Variants in PARD3 observed in about 807,000 individuals in gnomAD.
The protein encoded by PARD3 is par-3 family cell polarity regulator.
In PARD3, 75 loss-of-function variants were observed where a neutral mutation model predicts 155.4. The ratio of observed to expected loss-of-function variants is 0.48; its 90% CI spans 0.40 to 0.58. PARD3 has a LOEUF of 0.58. Among genes scored for constraint, PARD3 ranks in the 20% least tolerant of loss-of-function variants. PARD3 has a pLI of 0.00. For synonymous variants in PARD3, 576 were observed against 610.5 expected, an observed-to-expected ratio of 0.94 and a Z score of 0.83; for missense variants, 1,642 against 1,721.7, an observed-to-expected ratio of 0.95 and a Z score of 0.82.
chr10:34,415,307 G>A (rs1341457432), intron 5 of PARD3, among the ~76,000 whole-genome samples: 1 of 152,110 alleles, frequency 6.6e-6, no homozygotes, highest in East Asian at 1.9e-4. Flanking sequence ...ATGCACAGTC[G>A]GCTCAGGGGA....
At chr10:34,426,445 G>C (rs1327840010) in intron 5 of PARD3, among the ~76,000 whole-genome samples, 3 of 152,118 alleles carry the variant, frequency 2.0e-5, no homozygotes, top group Non-Finnish European at 4.4e-5. Flanking sequence ...TTGGAGAATG[G>C]TATTTTTTTG....
At chr10:34,588,876 T>C (rs1042278293) in intron 2 of PARD3, among the ~76,000 whole-genome samples, 7 of 152,186 alleles carry the variant, frequency 4.6e-5, no homozygotes, top group South Asian at 2.1e-4. Flanking sequence ...TCAAGATCTG[T>C]AGGACATTAA....
At chr10:34,620,393 C>T (rs557091431) in intron 2 of PARD3, among the ~76,000 whole-genome samples, 2 of 152,334 alleles carry the variant, frequency 1.3e-5, no homozygotes, top group African/African-American at 4.8e-5. Context: ...CTCATTCCCC[C>T]ATCTGAAACA....
intron 1 of PARD3, among the ~76,000 whole-genome samples, chr10:34,716,478 T>TA (rs1564539725): frequency 6.6e-6 from 1 of 151,920 alleles, no homozygotes; most frequent in African/African-American, 2.4e-5. Flanking sequence ...ACTATAAACT[T>TA]ATCAGATGGG....
intron 7 of PARD3, among the ~76,000 whole-genome samples, chr10:34,390,713 C>G (rs1200224975): frequency 6.6e-6 from 1 of 152,070 alleles, no homozygotes; most frequent in Non-Finnish European, 1.5e-5. Flanking sequence ...ACAAAATTCC[C>G]AACTCCAAAT....
At chr10:34,662,871 G>GAAAAAAAAAAAAAAAAAA (rs568672135) in intron 2 of PARD3, among the ~76,000 whole-genome samples, 1 of 123,626 alleles carries the variant, frequency 8.1e-6, no homozygotes, top group African/African-American at 3.0e-5. Context: ...AACTGTCTCA[G>GAAAAAAAAAAAAAAAAAA]AAAAAAAAAA....
chr10:34,587,730 C>T (rs1351660434), intron 2 of PARD3, among the ~76,000 whole-genome samples: 2 of 152,200 alleles, frequency 1.3e-5, no homozygotes, highest in Non-Finnish European at 2.9e-5. Context: ...CTCCTCCATG[C>T]TCTGAGTTTC....
At chr10:34,752,326 C>T (rs1836151427) in intron 1 of PARD3, among the ~76,000 whole-genome samples, 1 of 151,628 alleles carries the variant, frequency 6.6e-6, no homozygotes, top group Non-Finnish European at 1.5e-5. Flanking sequence ...GTGATAAAGG[C>T]TATCTCTGTC....
At chr10:34,571,349 T>C (rs778109034) in intron 2 of PARD3, among the ~76,000 whole-genome samples, 82 of 152,260 alleles carry the variant, frequency 5.4e-4, no homozygotes, top group Non-Finnish European at 7.1e-4. Context: ...AGTATCTTAA[T>C]TGATAAAATT....
intron 22 of PARD3, among the ~76,000 whole-genome samples, chr10:34,224,479 G>C (rs942003988): frequency 1.3e-5 from 2 of 152,208 alleles, no homozygotes; most frequent in African/African-American, 4.8e-5. Flanking sequence ...TAAATCCTCA[G>C]TAAATATCTG....
intron 1 of PARD3, among the ~76,000 whole-genome samples, chr10:34,727,866 C>A (rs942449221): frequency 2.1e-5 from 3 of 143,220 alleles, no homozygotes; most frequent in Non-Finnish European, 4.6e-5. Context: ...AGTATGCAAC[C>A]CCCTCCCTCC....
intron 2 of PARD3, among the ~76,000 whole-genome samples, chr10:34,577,585 A>G (rs891729118): frequency 6.6e-6 from 1 of 152,228 alleles, no homozygotes; most frequent in African/African-American, 2.4e-5. Context: ...CTCTGTTCAC[A>G]CACCTTTCCT....
chr10:34,126,469 T>C (rs978524554), intron 23 of PARD3, among the ~76,000 whole-genome samples: 1 of 152,216 alleles, frequency 6.6e-6, no homozygotes, highest in African/African-American at 2.4e-5. Context: ...TCAACTAATA[T>C]GGGCTCAGTT....
intron 3 of PARD3, among the ~76,000 whole-genome samples, chr10:34,473,107 G>A (rs766675910): frequency 3.9e-5 from 6 of 152,116 alleles, no homozygotes; most frequent in Non-Finnish European, 5.9e-5. Flanking sequence ...TCATGGATAG[G>A]GTGGTGTTTG....
intron 1 of PARD3, among the ~76,000 whole-genome samples, chr10:34,709,071 C>T (rs1272556631): frequency 6.6e-6 from 1 of 152,036 alleles, no homozygotes; most frequent in Non-Finnish European, 1.5e-5. Flanking sequence ...GGTGAGAACC[C>T]CTAACCCAAA....
intron 20 of PARD3, among the ~76,000 whole-genome samples, chr10:34,300,899 C>A (rs1957115769): frequency 6.6e-6 from 1 of 152,142 alleles, no homozygotes; most frequent in Non-Finnish European, 1.5e-5. Flanking sequence ...AAGAAGTGAT[C>A]CTACAGGCAG....
chr10:34,238,842 AAGC>A (rs770933421), intron 22 of PARD3, among the ~76,000 whole-genome samples: 1 of 152,234 alleles, frequency 6.6e-6, no homozygotes, highest in Non-Finnish European at 1.5e-5. Context: ...GATTAAAAAT[AAGC>A]AGCATTTTTT....
At chr10:34,270,997 AC>A (rs1208690385) in intron 21 of PARD3, among the ~76,000 whole-genome samples, 4 of 152,130 alleles carry the variant, frequency 2.6e-5, no homozygotes, top group African/African-American at 9.7e-5. Flanking sequence ...AAATTTTAAA[AC>A]CCTCAATAAA....
At chr10:34,700,337 T>C (rs903531448) in intron 1 of PARD3, among the ~76,000 whole-genome samples, 8 of 152,214 alleles carry the variant, frequency 5.3e-5, no homozygotes, top group African/African-American at 1.9e-4. Context: ...AAGATGCAAG[T>C]TGCAAGGAAT....
Sources: gnomAD v4.1 joint callset for allele counts (sites outside exome capture counted in the v4.1 genomes callset) on GRCh38, gnomAD v4.1.1 for gene constraint, MANE v1.5 for transcripts, NCBI Gene and HGNC (gene_info 2026-07-23, HGNC 2026-07-21) for gene names.